MARCHF10: variants seen among roughly 807,000 people sequenced by gnomAD.
The protein encoded by MARCHF10 is membrane associated ring-CH-type finger 10.
MARCHF10 carries 64 observed loss-of-function variants against 76.2 expected under a neutral mutation model. The observed-to-expected ratio is 0.84, with a 90% CI of 0.69 to 1.03. The LOEUF is 1.03. MARCHF10 is among the 50% of genes least tolerant of loss of function. The pLI is 0.00. For synonymous variants in MARCHF10, 340 were observed against 357.5 expected (o/e 0.95, Z 0.55); for missense variants, 875 against 958.0 (o/e 0.91, Z 1.14).
intron 4 of MARCHF10, among the ~76,000 whole-genome samples, chr17:62,754,699 C>A (rs2091990021): frequency 6.6e-6 from 1 of 151,994 alleles, no homozygotes; most frequent in African/African-American, 2.4e-5. Flanking sequence ...AACCCCGAGC[C>A]CCCCTGTCTT....
chr17:62,724,526 T>A (rs1344449817), intron 7 of MARCHF10, among the ~76,000 whole-genome samples: 1 of 152,122 alleles, frequency 6.6e-6, no homozygotes, highest in African/African-American at 2.4e-5. Context: ...ATGAGGGACC[T>A]TCTGAAGTAT....
intron 9 of MARCHF10, among the ~76,000 whole-genome samples, chr17:62,707,210 A>G (rs2089646758): frequency 6.6e-6 from 1 of 152,136 alleles, no homozygotes. Context: ...TGCCAATCCC[A>G]GGCTGGAAAC....
Position 62,712,402 on chromosome 17 carries a change from C to T in MARCHF10, c.2215-1058G>A, listed in dbSNP as rs1212254217. Reference sequence around the variant, plus strand: ...CCTTCTTCCTGCAGCAGCGCGGGTGCCACATCTTCCTGTTCTCATTAGATC... The same window carrying T: ...CCTTCTTCCTGCAGCAGCGCGGGTGTCACATCTTCCTGTTCTCATTAGATC... On this transcript the variant is annotated intron_variant, in intron 8 of 10. Transcript: ENST00000311269. The surrounding 1 kb of genome is among the most constrained non-coding windows in gnomAD (Gnocchi z 4.2). 1.3e-5 allele frequency among the ~76,000 whole-genome samples: 2 copies of T among 152,248 alleles called. No individual in the cohort carries two copies. Among genetic ancestry groups the T allele is most frequent in the East Asian group, 3.8e-4 (2 of 5,196 alleles).
intron 2 of MARCHF10, among the ~76,000 whole-genome samples, chr17:62,792,245 G>A (rs765111900): frequency 6.6e-6 from 1 of 151,950 alleles, no homozygotes; most frequent in South Asian, 2.1e-4. Context: ...TGGGGATGAC[G>A]TGGGTTTTGT....
At chr17:62,753,223 C>T (rs2091948142) in intron 4 of MARCHF10, among the ~76,000 whole-genome samples, 1 of 152,152 alleles carries the variant, frequency 6.6e-6, no homozygotes, top group Admixed American at 6.5e-5. Context: ...TCTCCTGCCT[C>T]AGTCTCCCGA....
At chr17:62,721,526 CCAA>C (rs1449969521) in intron 8 of MARCHF10, among the ~76,000 whole-genome samples, 2 of 151,864 alleles carry the variant, frequency 1.3e-5, no homozygotes, top group Non-Finnish European at 2.9e-5. Context: ...GTGGATATTG[CCAA>C]CAAAAGTGGC....
intron 3 of MARCHF10, among the ~76,000 whole-genome samples, chr17:62,786,993 G>A (rs1163655276): frequency 3.3e-5 from 5 of 152,120 alleles, no homozygotes; most frequent in African/African-American, 1.2e-4. Context: ...GTAAAAATGT[G>A]AGAATTTATC....
At chr17:62,772,964 G>A (rs1412385122) in intron 3 of MARCHF10, among the ~76,000 whole-genome samples, 1 of 152,140 alleles carries the variant, frequency 6.6e-6, no homozygotes. Flanking sequence ...ATATTTTGAT[G>A]ACTATTTCAA....
chr17:62,701,571 G>A lies in MARCHF10; in HGVS notation c.*132C>T, dbSNP rs2251393. 0.85 allele frequency: 1,337,220 copies of A among 1,571,044 alleles called. 570,887 individuals carry two copies. Among genetic ancestry groups the A allele is most frequent in the East Asian group, 0.9 (39,594 of 44,174 alleles). On this transcript the variant is annotated 3_prime_UTR_variant, in exon 11 of 11. Coordinates refer to ENST00000311269, the MANE Select transcript of MARCHF10 (RefSeq NM_152598.4). The stretch of plus-strand genomic sequence containing the variant: ...GCCAGACCCCAAAAGAGAGTGGCAC[G>A]AGGTGAAAATCTAACTGTGAACGCT...
At chr17:62,729,076 A>G (rs1230370748) in intron 6 of MARCHF10, among the ~76,000 whole-genome samples, 2 of 151,882 alleles carry the variant, frequency 1.3e-5, no homozygotes, top group Non-Finnish European at 2.9e-5. Flanking sequence ...AGTAGCTGGG[A>G]CCACAGGCAC....
At chr17:62,777,806 G>C (rs1251174636) in intron 3 of MARCHF10, among the ~76,000 whole-genome samples, 3 of 151,776 alleles carry the variant, frequency 2.0e-5, no homozygotes, top group Non-Finnish European at 4.4e-5. Context: ...CTGCCTATGG[G>C]GTAGTCCTAC....
rs188311594 is a variant in MARCHF10 at position 62,715,778 on chromosome 17, G to A, written c.2215-4434C>T. 5.6e-4 allele frequency among the ~76,000 whole-genome samples: 86 copies of A among 152,290 alleles called. 1 individual carries two copies. Among genetic ancestry groups the A allele is most frequent in the African/African-American group, 2.0e-3 (83 of 41,562 alleles). ...TCCTGATCTAGCCGCTTGAGGCCTGGTAACAGACCTTGACCTTGGGCCTCA... is the reference window on the plus strand; with the variant it reads ...TCCTGATCTAGCCGCTTGAGGCCTGATAACAGACCTTGACCTTGGGCCTCA... On this transcript the variant is annotated intron_variant, in intron 8 of 10. Coordinates refer to ENST00000311269, the MANE Select transcript of MARCHF10 (RefSeq NM_152598.4).
rs780810554 is a variant in MARCHF10 at position 62,701,667 on chromosome 17, A to G, written c.*36T>C. On this transcript the variant is annotated 3_prime_UTR_variant, in exon 11 of 11. Coordinates refer to ENST00000311269, the MANE Select transcript of MARCHF10 (RefSeq NM_152598.4). ...GGACGTAGAAAGAAGGGCTGGCGGG[A>G]GAGGTCTCCGCCGAGCTCCACAGTT... 6.2e-7 allele frequency: 1 copy of G among 1,613,494 alleles called. No homozygotes were observed. Among genetic ancestry groups the G allele is most frequent in the Non-Finnish European group, 8.5e-7 (1 of 1,179,910 alleles).
chr17:62,732,106 C>T (rs2091048625), intron 6 of MARCHF10, among the ~76,000 whole-genome samples: 1 of 151,878 alleles, frequency 6.6e-6, no homozygotes, highest in Non-Finnish European at 1.5e-5. Context: ...TGAAGAAAAC[C>T]ACAAAACTAT....
At chr17:62,795,523 G>C (rs2092971193) in intron 2 of MARCHF10, among the ~76,000 whole-genome samples, 1 of 152,010 alleles carries the variant, frequency 6.6e-6, no homozygotes. Flanking sequence ...TTCTCAAAAG[G>C]GTCCCACCCA....
chr17:62,754,919 C>T (rs942990647), intron 4 of MARCHF10, among the ~76,000 whole-genome samples: 12 of 151,982 alleles, frequency 7.9e-5, no homozygotes, highest in Middle Eastern at 3.2e-3. Flanking sequence ...TAGGATTTGC[C>T]CTCAAATTTC....
intron 8 of MARCHF10, among the ~76,000 whole-genome samples, chr17:62,713,517 G>A (rs2090037265): frequency 6.6e-6 from 1 of 152,160 alleles, no homozygotes; most frequent in South Asian, 2.1e-4. Flanking sequence ...TCGCCGGCTC[G>A]GTTCCTTTAT....
chr17:62,735,513 G>A (rs948444734), intron 6 of MARCHF10: 2 of 161,810 alleles, frequency 1.2e-5, no homozygotes, highest in African/African-American at 4.8e-5. Flanking sequence ...CTGTTGGTTG[G>A]ATTTGGGGTA....
intron 3 of MARCHF10, among the ~76,000 whole-genome samples, chr17:62,779,732 A>C (rs1198757172): frequency 6.6e-6 from 1 of 152,204 alleles, no homozygotes; most frequent in Non-Finnish European, 1.5e-5. Flanking sequence ...GCTTGACTAT[A>C]ATCTGGAGCT....
Sources: gnomAD v4.1 joint callset for allele counts (sites outside exome capture counted in the v4.1 genomes callset) on GRCh38, gnomAD v4.1.1 for gene constraint, Gnocchi (gnomAD v3.1) non-coding constraint, MANE v1.5 for transcripts, NCBI Gene and HGNC (gene_info 2026-07-23, HGNC 2026-07-21) for gene names.